The following GALNTL6 variants were observed in gnomAD, a reference collection of about 807,000 sequenced individuals.
GALNTL6 encodes polypeptide N-acetylgalactosaminyltransferase-like 6.
In GALNTL6, 46 loss-of-function variants were observed where a neutral mutation model predicts 73.7. The ratio of observed to expected loss-of-function variants is 0.62; its 90% CI spans 0.49 to 0.80. The LOEUF (loss-of-function observed/expected upper bound fraction) is 0.80, where lower values mean the gene tolerates loss of function less well. Ranked by LOEUF, GALNTL6 falls within the 30% of genes least tolerant of loss-of-function variation. The pLI is 0.00. For synonymous variants in GALNTL6, 259 were observed against 263.7 expected (o/e 0.98, Z 0.17); for missense variants, 604 against 755.0 (o/e 0.80, Z 2.34).
chr4:172,965,729 C>T (rs908074050), intron 10 of GALNTL6, among the ~76,000 whole-genome samples: 10 of 151,802 alleles, frequency 6.6e-5, no homozygotes, highest in South Asian at 2.1e-4. Context: ...GAGGTGCTTC[C>T]GAGTTAACCA....
At chr4:172,365,775 A>G (rs964892618) in intron 5 of GALNTL6, among the ~76,000 whole-genome samples, 5 of 152,274 alleles carry the variant, frequency 3.3e-5, no homozygotes, top group Non-Finnish European at 7.4e-5. Context: ...TAAGGACAAA[A>G]GGTCCTAGAG....
At chr4:172,386,095 A>G (rs1743459365) in intron 5 of GALNTL6, among the ~76,000 whole-genome samples, 1 of 152,148 alleles carries the variant, frequency 6.6e-6, no homozygotes, top group Non-Finnish European at 1.5e-5. Flanking sequence ...TATTCATTAT[A>G]AGCTGAAAAA....
intron 5 of GALNTL6, among the ~76,000 whole-genome samples, chr4:172,420,983 A>T (rs1217153626): frequency 6.6e-6 from 1 of 151,844 alleles, no homozygotes; most frequent in Non-Finnish European, 1.5e-5. Context: ...GGACACGGGG[A>T]GGGGAACCAG....
intron 2 of GALNTL6, among the ~76,000 whole-genome samples, chr4:172,177,486 C>T (rs1735035440): frequency 6.6e-6 from 1 of 152,004 alleles, no homozygotes; most frequent in African/African-American, 2.4e-5. Flanking sequence ...AAACTCACAG[C>T]TGTTTCTGTC....
At chr4:172,646,686 A>G (rs557012404) in intron 5 of GALNTL6, among the ~76,000 whole-genome samples, 3 of 152,130 alleles carry the variant, frequency 2.0e-5, no homozygotes, top group Admixed American at 2.0e-4. Flanking sequence ...AATTTTCTTT[A>G]TAAAGACTTT....
At chr4:172,763,079 ACTGT>A (rs1193616460) in intron 5 of GALNTL6, among the ~76,000 whole-genome samples, 1 of 152,164 alleles carries the variant, frequency 6.6e-6, no homozygotes, top group African/African-American at 2.4e-5. Flanking sequence ...GACACAGAGC[ACTGT>A]CATCATACAT....
At chr4:172,309,756 TCA>T (rs3083268) in intron 3 of GALNTL6, among the ~76,000 whole-genome samples, 62,732 of 151,734 alleles carry the variant, frequency 0.41, 15,056 homozygotes, top group South Asian at 0.64. Context: ...TAAAAATAGT[TCA>T]GTTTGGTAGC....
intron 5 of GALNTL6, among the ~76,000 whole-genome samples, chr4:172,487,664 A>T (rs1015070191): frequency 1.3e-5 from 2 of 152,110 alleles, no homozygotes; most frequent in Admixed American, 1.3e-4. Context: ...CTGGGATTAC[A>T]GGTGTGAGCC....
intron 2 of GALNTL6, among the ~76,000 whole-genome samples, chr4:171,954,379 G>A (rs1224256205): frequency 1.3e-5 from 2 of 152,096 alleles, no homozygotes; most frequent in African/African-American, 4.8e-5. Flanking sequence ...AAGAAAATGA[G>A]GACTAGCTTG....
intron 5 of GALNTL6, among the ~76,000 whole-genome samples, chr4:172,547,891 C>A (rs1735829355): frequency 1.3e-5 from 2 of 152,132 alleles, no homozygotes; most frequent in South Asian, 4.1e-4. Flanking sequence ...AGTGGCCTTG[C>A]TTCTGAAATT....
chr4:172,826,846 T>C (rs746175012), intron 7 of GALNTL6, among the ~76,000 whole-genome samples: 1 of 152,208 alleles, frequency 6.6e-6, no homozygotes, highest in Non-Finnish European at 1.5e-5. Context: ...AAATTCCCAA[T>C]TCAAACTCAG....
chr4:172,256,651 T>A (rs1314398821), intron 3 of GALNTL6, among the ~76,000 whole-genome samples: 1 of 151,396 alleles, frequency 6.6e-6, no homozygotes, highest in Non-Finnish European at 1.5e-5. Context: ...GTCTTTCCAC[T>A]GACTCTTTTC....
At position 172,895,779 on chromosome 4, in the gene GALNTL6, A is replaced by G. The variant is rs746344484; in HGVS notation, c.1041+12872A>G. Among the ~76,000 whole-genome samples the G allele has an allele frequency of 4.6e-5, 7 of 152,086 alleles. 1 individual carries two copies. The Middle Eastern group carries it at 9.5e-3, about 206-fold the overall frequency. Reference sequence around the variant, plus strand: ...ATATTTGCCCTTTTGATGTTGTCCCATAGATCCCATAAGCTTTCTTCATTT... The same window carrying G: ...ATATTTGCCCTTTTGATGTTGTCCCGTAGATCCCATAAGCTTTCTTCATTT... On this transcript the variant is annotated intron_variant, in intron 8 of 12. Coordinates refer to ENST00000506823, the MANE Select transcript of GALNTL6 (RefSeq NM_001034845.3).
chr4:172,094,817 C>A (rs1241185884), intron 2 of GALNTL6, among the ~76,000 whole-genome samples: 1 of 152,002 alleles, frequency 6.6e-6, no homozygotes, highest in Admixed American at 6.6e-5. Flanking sequence ...TGAAGAGCTG[C>A]TTTCAAGAAT....
intron 2 of GALNTL6, among the ~76,000 whole-genome samples, chr4:171,983,359 G>A (rs865971323): frequency 4.6e-5 from 7 of 152,136 alleles, no homozygotes; most frequent in African/African-American, 7.2e-5. Context: ...TATCATATCC[G>A]TTGTGCTCCA....
At chr4:172,865,963 A>G (rs1416621769) in intron 7 of GALNTL6, among the ~76,000 whole-genome samples, 1 of 152,212 alleles carries the variant, frequency 6.6e-6, no homozygotes, top group African/African-American at 2.4e-5. Context: ...CAAAGACACA[A>G]ACCTTCTAAG....
intron 4 of GALNTL6, among the ~76,000 whole-genome samples, chr4:172,315,494 G>T (rs1740510665): frequency 6.6e-6 from 1 of 152,134 alleles, no homozygotes. Context: ...ACCTCAGTCT[G>T]CCTGCCTTGG....
At chr4:172,663,646 T>G (rs1304671087) in intron 5 of GALNTL6, among the ~76,000 whole-genome samples, 4 of 152,188 alleles carry the variant, frequency 2.6e-5, no homozygotes, top group Non-Finnish European at 5.9e-5. Flanking sequence ...AAAGGTGACT[T>G]GGCTAGGCGT....
chr4:172,725,013 A>C (rs1395244033), intron 5 of GALNTL6, among the ~76,000 whole-genome samples: 1 of 151,902 alleles, frequency 6.6e-6, no homozygotes, highest in Non-Finnish European at 1.5e-5. Flanking sequence ...CGTCTCCCCC[A>C]ACAGCCAAAA....
Sources: allele counts gnomAD v4.1 joint callset (sites outside exome capture counted in the v4.1 genomes callset), GRCh38; gene constraint gnomAD v4.1.1; transcripts MANE v1.5; gene names NCBI Gene and HGNC (gene_info 2026-07-23, HGNC 2026-07-21).